ZNF148: variants seen among roughly 807,000 people sequenced by gnomAD.
The protein encoded by ZNF148 is zinc finger protein 148.
ZNF148 carries 7 observed loss-of-function variants against 67.7 expected under a neutral mutation model. The observed-to-expected ratio is 0.10, with a 90% CI of 0.06 to 0.19. The LOEUF (loss-of-function observed/expected upper bound fraction) is 0.19, where lower values mean the gene tolerates loss of function less well. ZNF148 is among the 10% of genes least tolerant of loss of function. The pLI is 1.00. For missense variants in ZNF148, 583 were observed against 947.1 expected, an observed-to-expected ratio of 0.62 and a Z score of 5.05; for synonymous variants, 333 against 330.7, an observed-to-expected ratio of 1.01 and a Z score of -0.08.
At chr3:125,268,811 C>T (rs983800733) in intron 7 of ZNF148, among the ~76,000 whole-genome samples, 1 of 151,958 alleles carries the variant, frequency 6.6e-6, no homozygotes, top group Non-Finnish European at 1.5e-5. Context: ...AAGACCTGAT[C>T]TCTACAAAAA....
At chr3:125,250,609 T>A (rs9857356) in intron 7 of ZNF148, among the ~76,000 whole-genome samples, 4 of 152,118 alleles carry the variant, frequency 2.6e-5, no homozygotes, top group African/African-American at 7.2e-5. Context: ...GTCATTAATT[T>A]ATTTAGCAAG....
intron 1 of ZNF148, among the ~76,000 whole-genome samples, chr3:125,334,371 C>T (rs1300379361): frequency 2.6e-5 from 4 of 152,156 alleles, no homozygotes; most frequent in Non-Finnish European, 4.4e-5. Context: ...ATGATAAGCA[C>T]ATACAGAGTA....
chr3:125,273,499 C>T (rs1437561003), intron 7 of ZNF148, among the ~76,000 whole-genome samples: 1 of 142,380 alleles, frequency 7.0e-6, no homozygotes, highest in African/African-American at 2.6e-5. Flanking sequence ...GGAAGAGAAT[C>T]TTTTTTTTTT....
intron 1 of ZNF148, among the ~76,000 whole-genome samples, chr3:125,367,327 C>T (rs1579917581): frequency 1.3e-5 from 2 of 152,170 alleles, no homozygotes; most frequent in South Asian, 4.1e-4. Context: ...TTTCAGTAAT[C>T]TTTTCCCTCC....
At chr3:125,365,177 A>C (rs1387586307) in intron 1 of ZNF148, among the ~76,000 whole-genome samples, 2 of 152,028 alleles carry the variant, frequency 1.3e-5, no homozygotes, top group African/African-American at 4.8e-5. Context: ...TATCCTTCAC[A>C]CTCCCTACCA....
intron 1 of ZNF148, among the ~76,000 whole-genome samples, chr3:125,368,598 A>T (rs1942771359): frequency 6.6e-6 from 1 of 152,236 alleles, no homozygotes; most frequent in South Asian, 2.1e-4. Flanking sequence ...AAGTAAAAAG[A>T]TCTGTCATCA....
intron 1 of ZNF148, among the ~76,000 whole-genome samples, chr3:125,342,008 G>GAA (rs59017294): frequency 7.0e-6 from 1 of 142,378 alleles, no homozygotes; most frequent in African/African-American, 2.6e-5. Flanking sequence ...GCGGGGGGGG[G>GAA]AATGGAAATC....
intron 3 of ZNF148, among the ~76,000 whole-genome samples, chr3:125,316,630 C>T (rs959907367): frequency 6.6e-6 from 1 of 152,104 alleles, no homozygotes; most frequent in Non-Finnish European, 1.5e-5. Flanking sequence ...TGCCTGTCTG[C>T]CATTTATATC....
At chr3:125,259,764 T>C (rs1937252968) in intron 7 of ZNF148, among the ~76,000 whole-genome samples, 1 of 152,166 alleles carries the variant, frequency 6.6e-6, no homozygotes, top group Admixed American at 6.5e-5. Context: ...GGGGCTACAG[T>C]AGTACTTTTA....
At chr3:125,241,576 T>C (rs1936362764) in intron 7 of ZNF148, among the ~76,000 whole-genome samples, 1 of 152,232 alleles carries the variant, frequency 6.6e-6, no homozygotes, top group Non-Finnish European at 1.5e-5. Flanking sequence ...TTGGAGATCT[T>C]AGCAGCAGAA....
At chr3:125,314,635 T>G (rs553445388) in intron 3 of ZNF148, among the ~76,000 whole-genome samples, 1 of 152,300 alleles carries the variant, frequency 6.6e-6, no homozygotes, top group African/African-American at 2.4e-5. Flanking sequence ...TACACAAATG[T>G]GTAATTCATA....
chr3:125,235,952 G>A (rs1936067745), intron 7 of ZNF148, among the ~76,000 whole-genome samples: 1 of 115,550 alleles, frequency 8.7e-6, no homozygotes, highest in African/African-American at 3.4e-5. Context: ...GACTGTTGTG[G>A]GGTGGGGGGA....
chr3:125,370,112 A>G (rs1942832167), intron 1 of ZNF148, among the ~76,000 whole-genome samples: 1 of 152,212 alleles, frequency 6.6e-6, no homozygotes, highest in South Asian at 2.1e-4. Flanking sequence ...TAAAAAAAAA[A>G]AATCTAAATT....
At chr3:125,276,282 C>T (rs1938058383) in intron 7 of ZNF148, among the ~76,000 whole-genome samples, 2 of 151,980 alleles carry the variant, frequency 1.3e-5, no homozygotes, top group Admixed American at 1.3e-4. Context: ...TCCCACAGTG[C>T]CTAGTATAGC....
chr3:125,369,286 AGCC>A (rs1942798873), intron 1 of ZNF148, among the ~76,000 whole-genome samples: 10 of 136,984 alleles, frequency 7.3e-5, no homozygotes, highest in African/African-American at 8.0e-5. Context: ...AAAAAAAAAA[AGCC>A]ATAGAAGCCT....
intron 7 of ZNF148, among the ~76,000 whole-genome samples, chr3:125,256,187 C>T (rs1211299632): frequency 2.0e-5 from 3 of 151,274 alleles, no homozygotes; most frequent in African/African-American, 7.3e-5. Flanking sequence ...CACAGCAAAA[C>T]CCTGTCTCTA....
chr3:125,261,036 T>G (rs975385174), intron 7 of ZNF148, among the ~76,000 whole-genome samples: 10 of 152,128 alleles, frequency 6.6e-5, no homozygotes, highest in African/African-American at 2.2e-4. Context: ...TGTTGGAGGT[T>G]TATGGAAAGG....
chr3:125,361,629 C>G (rs929715142), intron 1 of ZNF148, among the ~76,000 whole-genome samples: 2 of 152,020 alleles, frequency 1.3e-5, no homozygotes, highest in African/African-American at 4.8e-5. Context: ...GTCAGGAGTT[C>G]GACACCAGCC....
chr3:125,282,809 T>G (rs1938461112), intron 5 of ZNF148, among the ~76,000 whole-genome samples: 1 of 152,042 alleles, frequency 6.6e-6, no homozygotes. Context: ...ATTCAGAGAT[T>G]TTTCACTCCA....
Sources: allele counts gnomAD v4.1 joint callset (sites outside exome capture counted in the v4.1 genomes callset), GRCh38; gene constraint gnomAD v4.1.1; transcripts MANE v1.5; gene names NCBI Gene and HGNC (gene_info 2026-07-23, HGNC 2026-07-21).